RBFOX1: variants seen among roughly 807,000 people sequenced by gnomAD.
RBFOX1 encodes RNA binding protein fox-1 homolog 1.
A neutral mutation model predicts 57.7 loss-of-function variants in RBFOX1; 8 were observed. The ratio of observed to expected loss-of-function variants is 0.14; its 90% CI spans 0.08 to 0.25. RBFOX1 has a LOEUF of 0.25. Among genes scored for constraint, RBFOX1 ranks in the 10% least tolerant of loss-of-function variants. The pLI is 1.00. For missense variants in RBFOX1, 611 were observed against 548.5 expected, an observed-to-expected ratio of 1.11 and a Z score of -1.14; for synonymous variants, 326 against 222.4, an observed-to-expected ratio of 1.47 and a Z score of -4.15.
At chr16:6,908,390 C>A (rs1222724063) in intron 3 of RBFOX1, among the ~76,000 whole-genome samples, 1 of 146,244 alleles carries the variant, frequency 6.8e-6, no homozygotes. Context: ...GTCTGCCTGC[C>A]TTCTCTTTCC....
chr16:6,793,137 G>T (rs1262257770), intron 3 of RBFOX1, among the ~76,000 whole-genome samples: 2 of 152,062 alleles, frequency 1.3e-5, no homozygotes. Context: ...ACCAGATTTG[G>T]GTATTATTTT....
At chr16:7,055,211 A>G (rs2051722795) in intron 4 of RBFOX1, among the ~76,000 whole-genome samples, 1 of 152,198 alleles carries the variant, frequency 6.6e-6, no homozygotes, top group Non-Finnish European at 1.5e-5. Flanking sequence ...AGAGTTGGAT[A>G]TAATATACAA....
chr16:7,255,225 G>C (rs2094630058), intron 4 of RBFOX1, among the ~76,000 whole-genome samples: 1 of 152,150 alleles, frequency 6.6e-6, no homozygotes, highest in African/African-American at 2.4e-5. Context: ...ATAAACAGCT[G>C]GTTAAAGCCT....
At chr16:6,760,417 C>A (rs912808667) in intron 3 of RBFOX1, among the ~76,000 whole-genome samples, 1 of 152,010 alleles carries the variant, frequency 6.6e-6, no homozygotes, top group Non-Finnish European at 1.5e-5. Flanking sequence ...CTTGCTCTTA[C>A]AAGAAGTGAT....
At chr16:5,501,576 G>C (rs549563984) in intron 2 of RBFOX1, among the ~76,000 whole-genome samples, 89 of 152,138 alleles carry the variant, frequency 5.8e-4, no homozygotes, top group Non-Finnish European at 1.0e-3. Flanking sequence ...TTGCAGTCTC[G>C]TTTTTCCCCT....
At chr16:6,695,958 T>C (rs1307402883) in intron 3 of RBFOX1, among the ~76,000 whole-genome samples, 1 of 152,178 alleles carries the variant, frequency 6.6e-6, no homozygotes. Context: ...CACATTGCAA[T>C]AAGCTTTTAA....
intron 1 of RBFOX1, among the ~76,000 whole-genome samples, chr16:5,360,029 C>T (rs1322833613): frequency 2.0e-5 from 3 of 152,238 alleles, no homozygotes; most frequent in Non-Finnish European, 2.9e-5. Context: ...GATGTCCTCT[C>T]ATGAGCATTT....
chr16:7,364,542 G>T (rs1261826807), intron 4 of RBFOX1, among the ~76,000 whole-genome samples: 11 of 136,924 alleles, frequency 8.0e-5, no homozygotes, highest in Non-Finnish European at 1.5e-4. Flanking sequence ...TTATTGGGAG[G>T]ATATTGAGTA....
At chr16:5,892,794 A>G (rs1597668031) in intron 4 of RBFOX1, among the ~76,000 whole-genome samples, 1 of 152,190 alleles carries the variant, frequency 6.6e-6, no homozygotes, top group Admixed American at 6.5e-5. Context: ...GCCAAGTAGT[A>G]AGAGAGCATG....
chr16:6,171,239 A>G (rs1052909608), intron 1 of RBFOX1, among the ~76,000 whole-genome samples: 2 of 152,184 alleles, frequency 1.3e-5, no homozygotes, highest in African/African-American at 2.4e-5. Context: ...GATTCTACAT[A>G]TTTTGTAAAT....
intron 4 of RBFOX1, among the ~76,000 whole-genome samples, chr16:7,259,448 C>T (rs1042586090): frequency 1.5e-4 from 23 of 151,538 alleles, no homozygotes; most frequent in African/African-American, 5.1e-4. Context: ...GAGTTCATGC[C>T]ATTGCATAAA....
rs564542481 is a variant in RBFOX1 at position 7,547,192 on chromosome 16, C to T, written c.270+28803C>T. On this transcript the variant is annotated intron_variant, in intron 5 of 15. Coordinates refer to ENST00000550418, the MANE Select transcript of RBFOX1 (RefSeq NM_018723.4). ...GCTTGATAAATACTTTCTTATAAGG[C>T]CATAAATATTGGTGGTACCAAAGGT... 4.6e-5 allele frequency among the ~76,000 whole-genome samples: 7 copies of T among 152,288 alleles called. No homozygotes were observed. The East Asian group carries it at 5.8e-4, about 13-fold the overall frequency.
intron 1 of RBFOX1, among the ~76,000 whole-genome samples, chr16:6,255,338 A>G (rs957939996): frequency 6.6e-6 from 1 of 152,162 alleles, no homozygotes; most frequent in African/African-American, 2.4e-5. Context: ...CCTTTTCTCC[A>G]TGGTCCTGAT....
chr16:5,744,672 A>C (rs1259239068), intron 3 of RBFOX1, among the ~76,000 whole-genome samples: 1 of 152,206 alleles, frequency 6.6e-6, no homozygotes, highest in Non-Finnish European at 1.5e-5. Context: ...AATTAAATGA[A>C]ATAAAAGGCT....
chr16:7,215,053 C>T (rs948626462), intron 4 of RBFOX1, among the ~76,000 whole-genome samples: 3 of 152,152 alleles, frequency 2.0e-5, no homozygotes, highest in African/African-American at 7.2e-5. Context: ...CTCTCCCTCT[C>T]CTTGTCTCCA....
chr16:5,716,264 A>ACCAAGC (rs1567439838), intron 3 of RBFOX1, among the ~76,000 whole-genome samples: 1 of 152,208 alleles, frequency 6.6e-6, no homozygotes, highest in African/African-American at 2.4e-5. Flanking sequence ...TTAATTTTGT[A>ACCAAGC]CCAAGCTAAT....
intron 4 of RBFOX1, among the ~76,000 whole-genome samples, chr16:7,318,069 GGTA>G (rs1301759764): frequency 4.6e-5 from 7 of 152,042 alleles, no homozygotes; most frequent in Middle Eastern, 6.8e-3. Context: ...TGGTGACGGT[GGTA>G]GTAGTGGTGA....
At chr16:6,418,089 C>G (rs28473087) in intron 2 of RBFOX1, among the ~76,000 whole-genome samples, 94,402 of 151,974 alleles carry the variant, frequency 0.62, 29,911 homozygotes, top group African/African-American at 0.76. Flanking sequence ...ACTGCCATGA[C>G]TAAGTACGAA....
At chr16:5,880,828 A>G (rs1368049823) in intron 4 of RBFOX1, among the ~76,000 whole-genome samples, 6 of 152,270 alleles carry the variant, frequency 3.9e-5, no homozygotes, top group Admixed American at 3.3e-4. Flanking sequence ...ATTGAAATAC[A>G]TTTATTAAAT....
Sources: gnomAD v4.1 joint callset for allele counts (sites outside exome capture counted in the v4.1 genomes callset) on GRCh38, gnomAD v4.1.1 for gene constraint, MANE v1.5 for transcripts, NCBI Gene and HGNC (gene_info 2026-07-23, HGNC 2026-07-21) for gene names.